The following MCF2L variants were observed in gnomAD, a reference collection of about 807,000 sequenced individuals.
MCF2L encodes the protein MCF.2 cell line derived transforming sequence like, also known as guanine nucleotide exchange factor DBS.
In MCF2L, 97 loss-of-function variants were observed where a neutral mutation model predicts 153.4. The ratio of observed to expected loss-of-function variants is 0.63; its 90% CI spans 0.54 to 0.75. The LOEUF (loss-of-function observed/expected upper bound fraction) is 0.75. MCF2L is among the 30% of genes least tolerant of loss of function. The probability of loss-of-function intolerance (pLI) is 0.00; values close to 1 mark genes in which losing one functional copy is unlikely to be tolerated. For missense variants in MCF2L, 1,347 were observed against 1,495.2 expected (o/e 0.90, Z 1.64); for synonymous variants, 659 against 632.2 (o/e 1.04, Z -0.64).
rs910962871 is a variant in MCF2L, at chr13:112,993,864, T to A, written c.80-20899T>A. Among the ~76,000 whole-genome samples, 2 of 151,828 alleles carry A rather than the reference T, an allele frequency of 1.3e-5. No homozygotes were observed. Among genetic ancestry groups the A allele is most frequent in the African/African-American group, 4.8e-5 (2 of 41,286 alleles). On this transcript the variant is annotated intron_variant, in intron 1 of 29. Transcript: ENST00000535094. The surrounding 1 kb of genome is among the most constrained non-coding windows in gnomAD (Gnocchi z 4.6). ...GAGACGTGTTTGCCTCCTGGGTGGG[T>A]AGGATTTTCCCCTCCCTTAGATCGG...
intron 7 of MCF2L, 32 bp downstream of exon 7, chr13:113,065,117 G>C: frequency 1.2e-6 from 2 of 1,606,466 alleles, no homozygotes; most frequent in Non-Finnish European, 1.7e-6. Context: ...TGGAAGCTGT[G>C]GGGGGCTCCG....
intron 26 of MCF2L, among the ~76,000 whole-genome samples, chr13:113,091,693 C>T (rs2035235428): frequency 6.7e-6 from 1 of 150,270 alleles, no homozygotes; most frequent in South Asian, 2.1e-4. Context: ...CTTTCCCGGG[C>T]CGACGAGGCT....
intron 3 of MCF2L, among the ~76,000 whole-genome samples, chr13:113,033,288 C>T (rs77620568): frequency 2.6e-5 from 3 of 113,734 alleles, no homozygotes; most frequent in Non-Finnish European, 3.5e-5. Context: ...GCCCCTGTGA[C>T]ATTAGTGGAC....
chr13:113,082,636 C>A, intron 17 of MCF2L, 94 bp downstream of exon 17: 1 of 947,726 alleles, frequency 1.1e-6, no homozygotes, highest in Non-Finnish European at 1.7e-6. Context: ...GGAGGCCAGG[C>A]CATGCCTGGC....
rs557619809 is a variant in MCF2L, at chr13:112,976,860, C to T, written c.79+7402C>T. ...CAAGGACCTGGTCCAGCAGGGCTGG[C>T]GCAGAGGGGTTGGGGTCGCCCAGTC... is the stretch of plus-strand genomic sequence containing the variant. On this transcript the variant is annotated intron_variant, in intron 1 of 29. Coordinates refer to ENST00000535094, the MANE Select transcript of MCF2L (RefSeq NM_001112732.3). 2.2e-4 allele frequency among the ~76,000 whole-genome samples: 33 copies of T among 152,322 alleles called. No homozygotes were observed. In the Middle Eastern group the frequency reaches 0.01, roughly 47 times the overall value.
At chr13:112,988,754 G>T (rs2082758410) in intron 1 of MCF2L, among the ~76,000 whole-genome samples, 1 of 142,108 alleles carries the variant, frequency 7.0e-6, no homozygotes, top group Non-Finnish European at 1.5e-5. Context: ...TCCTCCCTGA[G>T]CAGGGGATGG....
intron 3 of MCF2L, chr13:113,026,942 T>C: frequency 1.3e-6 from 1 of 777,078 alleles, no homozygotes; most frequent in Non-Finnish European, 2.4e-6. Context: ...GGGTCTCTCA[T>C]CTGATGTGCT....
At chr13:113,051,173 T>C (rs2087289725) in intron 4 of MCF2L, among the ~76,000 whole-genome samples, 1 of 152,194 alleles carries the variant, frequency 6.6e-6, no homozygotes. Flanking sequence ...CCGCACCAGC[T>C]GCTGTGGCAA....
chr13:112,992,850 A>G (rs2082946036), intron 1 of MCF2L, among the ~76,000 whole-genome samples: 1 of 152,238 alleles, frequency 6.6e-6, no homozygotes, highest in South Asian at 2.1e-4. Context: ...CTTTAAAAGC[A>G]CTGACTTTCA....
intron 2 of MCF2L, among the ~76,000 whole-genome samples, chr13:112,915,522 A>G (rs1303506268): frequency 6.6e-6 from 1 of 150,820 alleles, no homozygotes; most frequent in Admixed American, 6.6e-5. Context: ...GTTCTGTCTC[A>G]TTTCTGCTTG....
chr13:113,093,693 T>TC (rs1435542703), intron 26 of MCF2L: 1 of 152,344 alleles, frequency 6.6e-6, no homozygotes, highest in East Asian at 1.9e-4. Flanking sequence ...TCTGCCTGTT[T>TC]CCCTGGTGTG....
At chr13:113,043,021 A>T (rs2086598392) in intron 3 of MCF2L, 2 of 152,256 alleles carry the variant, frequency 1.3e-5, no homozygotes, top group Non-Finnish European at 2.9e-5. Context: ...GGGTTACAGC[A>T]TACTCAGTGG....
At chr13:112,920,296 A>T (rs2993335) in intron 2 of MCF2L, among the ~76,000 whole-genome samples, 12,667 of 152,174 alleles carry the variant, frequency 0.083, 671 homozygotes, top group South Asian at 0.15. Context: ...TGTTGTTTGT[A>T]GTTGGTGCAA....
intron 21 of MCF2L, 109 bp downstream of exon 21, chr13:113,086,358 G>C: frequency 6.7e-7 from 1 of 1,495,450 alleles, no homozygotes; most frequent in East Asian, 2.5e-5. Context: ...GAATGTGCAG[G>C]TTCTGGGCAG....
intron 21 of MCF2L, among the ~76,000 whole-genome samples, chr13:113,086,525 C>T (rs750787): frequency 0.79 from 120,493 of 152,114 alleles, 48,748 homozygotes; most frequent in East Asian, 1. Flanking sequence ...CCAGCAGGAA[C>T]GCAGCTCAGA....
intron 2 of MCF2L, among the ~76,000 whole-genome samples, chr13:112,903,832 T>G (rs1414974971): frequency 6.6e-6 from 1 of 152,138 alleles, no homozygotes. Context: ...TGAGAAACCC[T>G]GTGAGCGAGG....
At chr13:113,044,432 G>A (rs566424450) in intron 3 of MCF2L, 11 of 482,944 alleles carry the variant, frequency 2.3e-5, no homozygotes, top group East Asian at 4.3e-5. Flanking sequence ...CCCATAGACT[G>A]CATAATTTAT....
chr13:113,076,859 CGT>C (rs1431715237), intron 12 of MCF2L, among the ~76,000 whole-genome samples, 191 bp from the exon 13 acceptor site: 4 of 152,258 alleles, frequency 2.6e-5, no homozygotes, highest in Admixed American at 2.0e-4. Flanking sequence ...GGCCCCGTCC[CGT>C]GTGGGGGCTG....
rs117150964 is a variant in MCF2L, at chr13:112,985,354, C to T, written c.79+15896C>T. The T allele has an allele frequency of 1.0e-3, 476 of 468,796 alleles. 4 individuals carry two copies. The East Asian group carries it at 0.028, about 27-fold the overall frequency. 29.0% of individuals were successfully genotyped at this position (468,796 alleles called of 1,614,324 possible). A position where few individuals can be genotyped will look rare whatever the true frequency, so the allele number is the denominator to read the frequency against. ...GGGTTGTGGCGAGCCCAGGGCAGCG[C>T]GCGTCCTCCCCGGCAGCTGATCCTC... On this transcript the variant is annotated intron_variant, in intron 1 of 29. Coordinates refer to ENST00000535094, the MANE Select transcript of MCF2L (RefSeq NM_001112732.3).
Sources: allele counts gnomAD v4.1 joint callset (sites outside exome capture counted in the v4.1 genomes callset), GRCh38; gene constraint gnomAD v4.1.1; non-coding constraint Gnocchi (gnomAD v3.1); transcripts MANE v1.5; gene names NCBI Gene and HGNC (gene_info 2026-07-23, HGNC 2026-07-21).